ROCK2: variants seen among roughly 807,000 people sequenced by gnomAD.
ROCK2 encodes rho-associated protein kinase 2.
In ROCK2, 61 loss-of-function variants were observed where a neutral mutation model predicts 195.1. The observed-to-expected ratio is 0.31, with a 90% CI of 0.25 to 0.39. ROCK2 has a LOEUF of 0.39. ROCK2 is among the 10% of genes least tolerant of loss of function. ROCK2 has a pLI of 1.00. For missense variants in ROCK2, 1,109 were observed against 1,637.4 expected (o/e 0.68, Z 5.57); for synonymous variants, 504 against 545.5 (o/e 0.92, Z 1.06).
At chr2:11,232,685 C>T (rs1395977360) in intron 5 of ROCK2, among the ~76,000 whole-genome samples, 1 of 152,032 alleles carries the variant, frequency 6.6e-6, no homozygotes, top group Non-Finnish European at 1.5e-5. Context: ...TAAAGAACAC[C>T]TTTGACTACA....
intron 1 of ROCK2, chr2:11,308,436 G>A (rs879210840): frequency 1.2e-5 from 19 of 1,606,526 alleles, no homozygotes; most frequent in South Asian, 9.9e-5. Flanking sequence ...GAAGAGGGTG[G>A]TGCTGGAGCA....
At chr2:11,218,862 T>C in intron 10 of ROCK2, 104 bp downstream of exon 10, 1 of 621,420 alleles carries the variant, frequency 1.6e-6, no homozygotes, top group Non-Finnish European at 2.8e-6. Flanking sequence ...TGCCATCTCA[T>C]GATTTTAAAA....
At chr2:11,281,618 T>A (rs1366685565) in intron 3 of ROCK2, among the ~76,000 whole-genome samples, 1 of 152,222 alleles carries the variant, frequency 6.6e-6, no homozygotes, top group Non-Finnish European at 1.5e-5. Context: ...CATATGAAAT[T>A]AAATTCCTCT....
intron 1 of ROCK2, among the ~76,000 whole-genome samples, chr2:11,312,009 A>T (rs938482010): frequency 8.5e-5 from 13 of 152,126 alleles, no homozygotes; most frequent in African/African-American, 3.1e-4. Context: ...GATGACATGA[A>T]GAAGCAGATG....
At chr2:11,204,465 G>T (rs953978930) in intron 20 of ROCK2, among the ~76,000 whole-genome samples, 1 of 152,028 alleles carries the variant, frequency 6.6e-6, no homozygotes, top group African/African-American at 2.4e-5. Flanking sequence ...TCAGTCTAAA[G>T]ACATTTCTCC....
intron 1 of ROCK2, among the ~76,000 whole-genome samples, chr2:11,291,505 C>T (rs562264735): frequency 4.6e-5 from 7 of 152,088 alleles, no homozygotes; most frequent in Admixed American, 3.9e-4. Flanking sequence ...AGCGGAGGAT[C>T]GCGCCACTGC....
intron 2 of ROCK2, among the ~76,000 whole-genome samples, 172 bp downstream of exon 2, chr2:11,287,483 G>C (rs1387480108): frequency 6.6e-6 from 1 of 152,066 alleles, no homozygotes; most frequent in Non-Finnish European, 1.5e-5. Flanking sequence ...TTCTGCAATT[G>C]CTTTAAAAAT....
At position 11,192,650 on chromosome 2, in the gene ROCK2, T is replaced by A; in HGVS notation, c.3750A>T (p.Gly1250=). The A allele has an allele frequency of 6.2e-7, 1 of 1,613,972 alleles. No homozygotes were observed. Among genetic ancestry groups the A allele is most frequent in the Non-Finnish European group, 8.5e-7 (1 of 1,179,972 alleles). ...TGTGGCAAATATAATTAGATTTTTC[T>A]CCAACTGGCTCCACTGGAAATTCTT... ...KEQEFPVEPV[G]EKSNYICHKG... is the part of the protein sequence containing the mutation. The change falls in exon 31 of 33, where the codon GGA becomes GGT. Residue 1250 remains glycine, a synonymous_variant. Coordinates refer to ENST00000315872, the MANE Select transcript of ROCK2 (RefSeq NM_004850.5). The surrounding 1 kb of genome is among the most constrained non-coding windows in gnomAD (Gnocchi z 5.0).
At chr2:11,317,602 A>ATTTT (rs1260148475) in intron 1 of ROCK2, among the ~76,000 whole-genome samples, 15 of 16,498 alleles carry the variant, frequency 9.1e-4, no homozygotes, top group African/African-American at 1.1e-3. Context: ...ATATATATAT[A>ATTTT]TATATATATA....
chr2:11,338,926 AT>A (rs1192060187), intron 1 of ROCK2, among the ~76,000 whole-genome samples: 1 of 149,716 alleles, frequency 6.7e-6, no homozygotes, highest in Non-Finnish European at 1.5e-5. Context: ...AAAAAAAAAA[AT>A]CAGAAGAATG....
rs71393855 is a variant in ROCK2 at position 11,181,181 on chromosome 2, A to AATATATATATATAT, written c.*2242_*2255dup. ...TTTCACCTTAATAAAGTTTATTAAA[A>AATATATATATATAT]ATATATATATATATATATATATATA... On this transcript the variant is annotated 3_prime_UTR_variant, in exon 33 of 33. Transcript: ENST00000315872. 2.9e-5 allele frequency: 4 copies of AATATATATATATAT among 136,160 alleles called. No individual in the cohort carries two copies. The highest frequency in any genetic ancestry group is 7.6e-5 in the Admixed American group (1 of 13,224). The allele number at this position is 136,160 out of a possible 1,614,324, so 8.4% of individuals were successfully genotyped here.
In ROCK2 at chr2:11,258,942, A is replaced by C. The variant is rs1436392204; in HGVS notation, c.325-9144T>G. On this transcript the variant is annotated intron_variant, in intron 3 of 32. Coordinates refer to ENST00000315872, the MANE Select transcript of ROCK2 (RefSeq NM_004850.5). Reference sequence around the variant, plus strand: ...TGAGGAGGAAGAGTTGGATTACTGAAGAAGTATGAAGAGTCAAATATAGGA... The same window carrying C: ...TGAGGAGGAAGAGTTGGATTACTGACGAAGTATGAAGAGTCAAATATAGGA... Among the ~76,000 whole-genome samples, 2 of 151,186 alleles carry C rather than the reference A, an allele frequency of 1.3e-5. 1 individual carries two copies. The highest frequency in any genetic ancestry group is 4.9e-5 in the African/African-American group (2 of 40,514).
chr2:11,207,234 C>T (rs1048032327), intron 20 of ROCK2, among the ~76,000 whole-genome samples: 12 of 152,150 alleles, frequency 7.9e-5, no homozygotes, highest in Admixed American at 3.9e-4. Context: ...GAACTACAGA[C>T]GTGCACAATC....
chr2:11,254,773 T>C (rs1665962350), intron 3 of ROCK2, among the ~76,000 whole-genome samples: 1 of 125,766 alleles, frequency 8.0e-6, no homozygotes, highest in South Asian at 2.9e-4. Flanking sequence ...GAAACCTGGC[T>C]AATTTCTTGG....
At position 11,181,184 on chromosome 2, in the gene ROCK2, ATATAT is replaced by A. The variant is rs1662973454; in HGVS notation, c.*2248_*2252del. 9.1e-5 allele frequency: 3 copies of A among 33,146 alleles called. No homozygotes were observed. Among genetic ancestry groups the A allele is most frequent in the East Asian group, 9.5e-4 (1 of 1,056 alleles). 2.1% of individuals were successfully genotyped at this position (33,146 alleles called of 1,614,324 possible). ...CACCTTAATAAAGTTTATTAAAAAT[ATATAT>A]ATATATATATATATATATATACTCT... On this transcript the variant is annotated 3_prime_UTR_variant, in exon 33 of 33. Coordinates refer to ENST00000315872, the MANE Select transcript of ROCK2 (RefSeq NM_004850.5).
chr2:11,206,491 T>C (rs1157401169), intron 20 of ROCK2, among the ~76,000 whole-genome samples: 6 of 152,212 alleles, frequency 3.9e-5, no homozygotes, highest in Admixed American at 3.9e-4. Context: ...AAGACAAAGA[T>C]GTCTGATTAC....
chr2:11,317,612 A>ATATATATATATTTTT (rs59701503), intron 1 of ROCK2, among the ~76,000 whole-genome samples: 2 of 19,306 alleles, frequency 1.0e-4, no homozygotes, highest in African/African-American at 3.2e-4. Flanking sequence ...ATATATATAT[A>ATATATATATATTTTT]TTTTTTTTTT....
At chr2:11,292,863 GTAAGACTTTTCCC>G (rs1267965890) in intron 1 of ROCK2, among the ~76,000 whole-genome samples, 1 of 152,166 alleles carries the variant, frequency 6.6e-6, no homozygotes, top group African/African-American at 2.4e-5. Context: ...GGATCACAGG[GTAAGACTTTTCCC>G]TGTTGTCATG....
intron 1 of ROCK2, among the ~76,000 whole-genome samples, chr2:11,302,357 T>A (rs530993537): frequency 6.6e-6 from 1 of 152,090 alleles, no homozygotes; most frequent in East Asian, 1.9e-4. Context: ...TCTCACTCTG[T>A]CGCCCAGGCT....
Sources: gnomAD v4.1 joint callset for allele counts (sites outside exome capture counted in the v4.1 genomes callset) on GRCh38, gnomAD v4.1.1 for gene constraint, Gnocchi (gnomAD v3.1) non-coding constraint, MANE v1.5 for transcripts, NCBI Gene and HGNC (gene_info 2026-07-23, HGNC 2026-07-21) for gene names.